The following MGAM variants were observed in gnomAD, a reference collection of about 807,000 sequenced individuals.
MGAM encodes maltase-glucoamylase, also known as alpha-1,4-glucosidase.
Under a neutral mutation model 358.8 loss-of-function variants are expected in MGAM, and 253 were observed. The ratio of observed to expected loss-of-function variants is 0.71; its 90% CI spans 0.64 to 0.78. The LOEUF (loss-of-function observed/expected upper bound fraction) is 0.78. MGAM is among the 30% of genes least tolerant of loss of function. MGAM has a pLI of 0.00. For missense variants in MGAM, 3,080 were observed against 3,432.6 expected, an observed-to-expected ratio of 0.90 and a Z score of 2.57; for synonymous variants, 1,105 against 1,227.1, an observed-to-expected ratio of 0.90 and a Z score of 2.08.
intron 43 of MGAM, among the ~76,000 whole-genome samples, chr7:142,068,931 T>C (rs747892813): frequency 6.8e-6 from 1 of 146,188 alleles, no homozygotes; most frequent in Non-Finnish European, 1.5e-5. Flanking sequence ...TCACTCAGGG[T>C]CTGTTTTTTT....
In MGAM at chr7:142,066,805, A is replaced by G. The variant is rs1007973083; in HGVS notation, c.4919+84A>G. ...AGCAGTTGATATACACAACGCTTCC[A>G]AATTAAAGACATGATGGCCTTTTGA... On this transcript the variant is annotated intron_variant, in intron 41 of 70. Coordinates refer to ENST00000475668, the MANE Select transcript of MGAM (RefSeq NM_001365693.1). The G allele has an allele frequency of 2.1e-6, 3 of 1,421,804 alleles. No individual in the cohort carries two copies. The African/African-American group carries it at 4.2e-5, about 20-fold the overall frequency. The allele number at this position is 1,421,804 out of a possible 1,614,324, so 88.1% of individuals were successfully genotyped here. A position where few individuals can be genotyped will look rare whatever the true frequency, so the allele number is the denominator to read the frequency against.
rs188353093 is a variant in MGAM at position 142,021,243 on chromosome 7, G to A, written c.558+160G>A. Reference sequence around the variant, plus strand: ...GTATGTTAAAGACATATACAGAATAGCTTCCTTTACTGTAATAACTTCCTG... The same window carrying A: ...GTATGTTAAAGACATATACAGAATAACTTCCTTTACTGTAATAACTTCCTG... On this transcript the variant is annotated intron_variant, in intron 5 of 70. Coordinates refer to ENST00000475668, the MANE Select transcript of MGAM (RefSeq NM_001365693.1). Among the ~76,000 whole-genome samples, 46 of 152,208 alleles carry A rather than the reference G, an allele frequency of 3.0e-4. No individual in the cohort carries two copies. In the East Asian group the frequency reaches 7.1e-3, roughly 24 times the overall value.
rs1554466078 is a variant in MGAM, at chr7:142,036,832, C to T, written c.2086C>T (p.Pro696Ser). Residue 696 changes from proline (P) to serine (S), a missense_variant, in exon 18 of 71, where the codon CCT becomes TCT. Coordinates refer to ENST00000475668, the MANE Select transcript of MGAM (RefSeq NM_001365693.1). ...HNGQGYKDQD[P>S]ASFGADSLLL... ...TCCTATTTCCTCCCAGGACCAGGAT[C>T]CTGCCTCCTTTGGAGCTGACTCCCT... 6.2e-7 allele frequency: 1 copy of T among 1,613,398 alleles called. No homozygotes were observed. The highest frequency in any genetic ancestry group is 1.7e-5 in the Admixed American group (1 of 59,992).
chr7:142,038,430 A>G, intron 18 of MGAM, 101 bp from the exon 19 acceptor site: 1 of 878,556 alleles, frequency 1.1e-6, no homozygotes, highest in Non-Finnish European at 1.8e-6. Context: ...TTGCCTGGGC[A>G]GACGGCCTGC....
chr7:142,031,057 C>T (rs930055946), intron 12 of MGAM, among the ~76,000 whole-genome samples: 10 of 152,108 alleles, frequency 6.6e-5, no homozygotes, highest in African/African-American at 2.4e-4. Context: ...TCCTTCCCCC[C>T]TCACTTCCCT....
rs572139780 is a variant in MGAM at position 142,022,288 on chromosome 7, C to G, written c.731C>G (p.Pro244Arg). ...TCTAGGTTTGACTCGAGCATTGGGC[C>G]CCTACTGTTTGCTGACCAGTTCTTG... ...NRVLFDSSIGPLLFADQFLQL... is the reference protein window; with the variant it reads ...NRVLFDSSIGRLLFADQFLQL... Residue 244 changes from proline to arginine, a missense_variant, in exon 7 of 71, where the codon CCC (proline) becomes CGC (arginine). Physicochemically the swap from Pro to Arg is moderately radical, Grantham distance 103. Around this residue, in one of 5 missense-constraint regions of MGAM, gnomAD observed 1,816 missense variants for 1,840.5 expected, o/e 0.99. Coordinates refer to ENST00000475668, the MANE Select transcript of MGAM (RefSeq NM_001365693.1). 3.7e-6 allele frequency: 6 copies of G among 1,611,236 alleles called. No homozygotes were observed. Among genetic ancestry groups the G allele is most frequent in the African/African-American group, 1.3e-5 (1 of 74,794 alleles).
At position 142,056,865 on chromosome 7, in the gene MGAM, C is replaced by T. The variant is rs115080419; in HGVS notation, c.3616C>T (p.Arg1206Cys). 5,876 of 1,613,698 alleles carry T rather than the reference C, an allele frequency of 3.6e-3. 137 individuals carry two copies. The African/African-American group carries it at 0.053, about 15-fold the overall frequency. ...CCAGCCCCTGCCTGCCTTGACATAC[C>T]GCACCACAGGGGGAGTTCTGGACTT... ...TFQPLPALTYRTTGGVLDFYV... is the reference protein window; with the variant it reads ...TFQPLPALTYCTTGGVLDFYV... Residue 1206 changes from arginine to cysteine, a missense_variant, in exon 30 of 71, where the codon CGC (arginine) becomes TGC (cysteine). By Grantham distance (180) the Arg-to-Cys change is radical. This residue lies in a region of MGAM where 1,816 missense variants were observed against 1,840.5 expected (regional missense o/e 0.99). Transcript: ENST00000475668.
intron 37 of MGAM, 110 bp downstream of exon 37, chr7:142,064,632 C>G: frequency 1.4e-6 from 2 of 1,386,108 alleles, no homozygotes. Flanking sequence ...TAAGAAGATT[C>G]TCATAACTCT....
intron 15 of MGAM, 63 bp downstream of exon 15, chr7:142,034,442 A>G: frequency 8.1e-7 from 1 of 1,231,272 alleles, no homozygotes; most frequent in Non-Finnish European, 1.1e-6. Flanking sequence ...TATGTTTTTA[A>G]TTCTTGGAGA....
chr7:142,063,131 G>A (rs1347672268), intron 35 of MGAM, among the ~76,000 whole-genome samples: 1 of 152,212 alleles, frequency 6.6e-6, no homozygotes, highest in Admixed American at 6.5e-5. Context: ...ATAGGAGGCA[G>A]AGTTTGCAGT....
intron 43 of MGAM, among the ~76,000 whole-genome samples, chr7:142,069,367 G>A (rs1813137152): frequency 6.8e-6 from 1 of 146,016 alleles, no homozygotes; most frequent in Non-Finnish European, 1.6e-5. Context: ...TTCCCGGGCA[G>A]CTCTGGGGTG....
At chr7:142,002,816 CTT>C (rs1385199784) in intron 1 of MGAM, among the ~76,000 whole-genome samples, 1 of 151,928 alleles carries the variant, frequency 6.6e-6, no homozygotes, top group Non-Finnish European at 1.5e-5. Flanking sequence ...ATGGTATAAT[CTT>C]ATACCTAGGA....
intron 21 of MGAM, among the ~76,000 whole-genome samples, chr7:142,044,591 T>C (rs1809757746): frequency 7.7e-6 from 1 of 130,534 alleles, no homozygotes; most frequent in African/African-American, 2.8e-5. Context: ...TAATGTATAT[T>C]ATATACACGT....
rs781838519 is a variant in MGAM at position 142,036,913 on chromosome 7, C to G, written c.2167C>G (p.Leu723Val). The part of the protein sequence containing the change: ...LNIRYTLLPY[L>V]YTLFFRAHSR... ...CATCCGCTATACTCTATTGCCCTACCTATACACCCTCTTCTTCCGTGCTCA... is the reference window on the plus strand; with the variant it reads ...CATCCGCTATACTCTATTGCCCTACGTATACACCCTCTTCTTCCGTGCTCA... Residue 723 changes from leucine (L) to valine (V), a missense_variant, in exon 18 of 71, where the codon CTA (leucine) becomes GTA (valine). By Grantham distance (32) the Leu-to-Val change is conservative. Transcript: ENST00000475668. 6 of 1,613,792 alleles carry G rather than the reference C, an allele frequency of 3.7e-6. No individual in the cohort carries two copies. In the East Asian group the frequency reaches 1.1e-4, roughly 30 times the overall value.
At chr7:142,075,483 C>G (rs2129049643) in intron 45 of MGAM, among the ~76,000 whole-genome samples, 1 of 146,434 alleles carries the variant, frequency 6.8e-6, no homozygotes, top group South Asian at 2.2e-4. Context: ...AAGAAACAAT[C>G]AACAACATGA....
intron 22 of MGAM, among the ~76,000 whole-genome samples, chr7:142,048,154 TA>T (rs1443919447): frequency 6.7e-5 from 9 of 133,336 alleles, no homozygotes; most frequent in Non-Finnish European, 6.7e-5. Flanking sequence ...TTTATTTATT[TA>T]TTTATTTATT....
chr7:142,005,543 A>C lies in MGAM; in HGVS notation c.13A>C (p.Lys5Gln), dbSNP rs1554452045. The C allele has an allele frequency of 4.5e-6, 7 of 1,552,042 alleles. No homozygotes were observed. Among genetic ancestry groups the C allele is most frequent in the Admixed American group, 2.1e-5 (1 of 47,044 alleles). Residue 5 changes from lysine to glutamine, a missense_variant, in exon 2 of 71, where the codon AAG (lysine) becomes CAG (glutamine). Physicochemically the swap from Lys to Gln is moderately conservative, Grantham distance 53. Transcript: ENST00000475668. ...TTACATTTTAGAGATGGCAAGAAAGAAGCTGAAAAAATTTACTACTTTGGA... is the reference window on the plus strand; with the variant it reads ...TTACATTTTAGAGATGGCAAGAAAGCAGCTGAAAAAATTTACTACTTTGGA... The part of the protein sequence containing the change: MARK[K>Q]LKKFTTLEIV...
At position 142,062,682 on chromosome 7, in the gene MGAM, A is replaced by G. The variant is rs2129041523; in HGVS notation, c.4237A>G (p.Lys1413Glu). 1 of 1,609,728 alleles carries G rather than the reference A, an allele frequency of 6.2e-7. No homozygotes were observed. The highest frequency in any genetic ancestry group is 2.2e-5 in the East Asian group (1 of 44,846). ...NNPQNPERSL[K>E]FDGMWIDMNE... ...TCCACAGAATCCAGAGAGGAGCTTG[A>G]AGTTTGATGGCATGTGGATTGTAAG... The change falls in exon 35 of 71, where the codon AAG becomes GAG. Residue 1413 changes from lysine to glutamate, a missense_variant. Lys to Glu is a moderately conservative substitution (Grantham distance 56). Coordinates refer to ENST00000475668, the MANE Select transcript of MGAM (RefSeq NM_001365693.1).
intron 57 of MGAM, among the ~76,000 whole-genome samples, chr7:142,088,822 C>CATCTATCTATCTATCTATCTATCT (rs71166559): frequency 8.0e-6 from 1 of 124,744 alleles, no homozygotes; most frequent in Admixed American, 8.5e-5. Context: ...ATCTATGTAC[C>CATCTATCTATCTATCTATCTATCT]ATCTATCTAT....
Sources: gnomAD v4.1 joint callset for allele counts (sites outside exome capture counted in the v4.1 genomes callset) on GRCh38, gnomAD v4.1.1 for gene constraint, gnomAD v4.1.1 regional missense constraint, MANE v1.5 for transcripts, NCBI Gene and HGNC (gene_info 2026-07-23, HGNC 2026-07-21) for gene names.